The following NAALADL2 variants were observed in gnomAD, a reference collection of about 807,000 sequenced individuals.
The protein encoded by NAALADL2 is N-acetylated alpha-linked acidic dipeptidase like 2, also known as inactive N-acetylated-alpha-linked acidic dipeptidase-like protein 2.
A neutral mutation model predicts 87.2 loss-of-function variants in NAALADL2; 76 were observed. The observed-to-expected ratio is 0.87, with a 90% CI of 0.72 to 1.05. The LOEUF is 1.05. Among genes scored for constraint, NAALADL2 ranks in the 50% least tolerant of loss-of-function variants. The pLI is 0.00. For missense variants in NAALADL2, 1,089 were observed against 945.8 expected, an observed-to-expected ratio of 1.15 and a Z score of -1.99; for synonymous variants, 354 against 331.0, an observed-to-expected ratio of 1.07 and a Z score of -0.75.
At chr3:174,501,303 C>T (rs914757105) in intron 1 of NAALADL2, among the ~76,000 whole-genome samples, 7 of 143,354 alleles carry the variant, frequency 4.9e-5, no homozygotes, top group African/African-American at 1.5e-4. Context: ...TGGTCTCGAT[C>T]TCCTGACCTC....
At chr3:174,575,540 G>A (rs1185554856) in intron 2 of NAALADL2, among the ~76,000 whole-genome samples, 5 of 152,084 alleles carry the variant, frequency 3.3e-5, no homozygotes, top group Non-Finnish European at 5.9e-5. Context: ...AAGCATTCAC[G>A]AATATTGTCA....
At chr3:174,496,269 A>G (rs1718531104) in intron 1 of NAALADL2, among the ~76,000 whole-genome samples, 1 of 152,144 alleles carries the variant, frequency 6.6e-6, no homozygotes, top group Non-Finnish European at 1.5e-5. Context: ...TAAAGCACTG[A>G]ATATGCTAAG....
At chr3:174,622,779 G>A (rs964768736) in intron 2 of NAALADL2, among the ~76,000 whole-genome samples, 2 of 152,218 alleles carry the variant, frequency 1.3e-5, no homozygotes, top group South Asian at 2.1e-4. Flanking sequence ...GGTGGCTCAC[G>A]CCTGTAATCC....
intron 5 of NAALADL2, among the ~76,000 whole-genome samples, chr3:175,432,183 A>G (rs1717870452): frequency 6.6e-6 from 1 of 152,066 alleles, no homozygotes; most frequent in African/African-American, 2.4e-5. Flanking sequence ...TCACAAGAAG[A>G]TAACAATAAC....
At chr3:174,619,692 G>T (rs1720815446) in intron 2 of NAALADL2, among the ~76,000 whole-genome samples, 2 of 151,894 alleles carry the variant, frequency 1.3e-5, no homozygotes, top group African/African-American at 2.4e-5. Flanking sequence ...TGTTTTCAAA[G>T]CGTCCTAACT....
chr3:174,667,832 A>G (rs7629875), intron 2 of NAALADL2, among the ~76,000 whole-genome samples: 16,669 of 152,138 alleles, frequency 0.11, 1,298 homozygotes, highest in South Asian at 0.27. Context: ...GGAAAAAAGA[A>G]GAGAAAATAA....
chr3:175,281,434 T>G (rs370327638), intron 4 of NAALADL2, among the ~76,000 whole-genome samples: 1 of 151,944 alleles, frequency 6.6e-6, no homozygotes, highest in Non-Finnish European at 1.5e-5. Context: ...AAAACACCTT[T>G]GCAATGTGTG....
intron 1 of NAALADL2, among the ~76,000 whole-genome samples, chr3:174,993,222 T>A (rs1746981136): frequency 6.6e-6 from 1 of 151,878 alleles, no homozygotes. Flanking sequence ...AAACAATAAG[T>A]AAATTAAGAG....
At chr3:175,128,127 C>G (rs1214168052) in intron 2 of NAALADL2, among the ~76,000 whole-genome samples, 1 of 152,086 alleles carries the variant, frequency 6.6e-6, no homozygotes. Flanking sequence ...CAAGATTTCT[C>G]TCCTGGAAGA....
At chr3:175,302,141 T>G (rs926662445) in intron 4 of NAALADL2, among the ~76,000 whole-genome samples, 4 of 152,190 alleles carry the variant, frequency 2.6e-5, no homozygotes, top group Non-Finnish European at 5.9e-5. Flanking sequence ...CGATCTATAA[T>G]TCTCTATTAA....
intron 11 of NAALADL2, among the ~76,000 whole-genome samples, chr3:175,634,755 G>A (rs116096319): frequency 4.0e-5 from 6 of 151,824 alleles, no homozygotes; most frequent in Non-Finnish European, 8.8e-5. Flanking sequence ...CAAGTTTAAG[G>A]ATATTCTAAT....
chr3:175,235,627 T>C (rs1387486573), intron 3 of NAALADL2: 1 of 152,238 alleles, frequency 6.6e-6, no homozygotes, highest in Non-Finnish European at 1.5e-5. Context: ...CTCTTTACTC[T>C]GTCTAAGCCA....
intron 1 of NAALADL2, among the ~76,000 whole-genome samples, chr3:175,004,168 G>A (rs1449182894): frequency 6.6e-6 from 1 of 152,082 alleles, no homozygotes; most frequent in Non-Finnish European, 1.5e-5. Flanking sequence ...GAGCCCAGGT[G>A]TTTGAGAACA....
At chr3:174,912,589 C>T (rs1733847207) in intron 1 of NAALADL2, among the ~76,000 whole-genome samples, 1 of 152,004 alleles carries the variant, frequency 6.6e-6, no homozygotes, top group South Asian at 2.1e-4. Context: ...TCATATTTAC[C>T]CCTCCTTTTC....
chr3:175,165,872 C>T (rs1733921087), intron 2 of NAALADL2, among the ~76,000 whole-genome samples: 1 of 151,958 alleles, frequency 6.6e-6, no homozygotes, highest in Non-Finnish European at 1.5e-5. Context: ...GCCCTTCACT[C>T]TGATTGATCC....
chr3:175,661,958 G>A (rs1363054378), intron 11 of NAALADL2, among the ~76,000 whole-genome samples: 1 of 151,636 alleles, frequency 6.6e-6, no homozygotes, highest in East Asian at 1.9e-4. Flanking sequence ...TTCTTCCCAG[G>A]GTTGCTTTGG....
rs200598860 is a variant in NAALADL2 at position 175,741,476 on chromosome 3, T to C, written c.1990+4077T>C. ...CATTCATACCAAAGCAGGAACACAG[T>C]AGTCCATCCATGAAAATGTGAAGGG... On this transcript the variant is annotated intron_variant, in intron 12 of 13. Coordinates refer to ENST00000454872, the MANE Select transcript of NAALADL2 (RefSeq NM_207015.3). Among the ~76,000 whole-genome samples the C allele has an allele frequency of 3.3e-5, 5 of 152,188 alleles. No homozygotes were observed. In the East Asian group the frequency reaches 9.7e-4, roughly 29 times the overall value.
intron 1 of NAALADL2, among the ~76,000 whole-genome samples, chr3:174,986,554 T>A (rs1323973405): frequency 6.6e-6 from 1 of 152,050 alleles, no homozygotes; most frequent in East Asian, 1.9e-4. Flanking sequence ...ACTAGTTCTG[T>A]ACTCAAAATT....
At chr3:175,333,401 G>A (rs1203298700) in intron 5 of NAALADL2, among the ~76,000 whole-genome samples, 1 of 152,160 alleles carries the variant, frequency 6.6e-6, no homozygotes, top group Admixed American at 6.5e-5. Flanking sequence ...TCAGCCCCAG[G>A]TGGTGGCTGT....
Sources: allele counts gnomAD v4.1 joint callset (sites outside exome capture counted in the v4.1 genomes callset), GRCh38; gene constraint gnomAD v4.1.1; transcripts MANE v1.5; gene names NCBI Gene and HGNC (gene_info 2026-07-23, HGNC 2026-07-21).